Variants in ROBO2 observed in about 807,000 individuals in gnomAD.
ROBO2 encodes the protein roundabout guidance receptor 2, also known as roundabout homolog 2.
In ROBO2, 53 loss-of-function variants were observed where a neutral mutation model predicts 160.8. The observed-to-expected ratio is 0.33, with a 90% CI of 0.26 to 0.41. The LOEUF (loss-of-function observed/expected upper bound fraction) is 0.41, where lower values mean the gene tolerates loss of function less well. ROBO2 is among the 10% of genes least tolerant of loss of function. The probability of loss-of-function intolerance (pLI) is 1.00; values close to 1 mark genes in which losing one functional copy is unlikely to be tolerated. For synonymous variants in ROBO2, 664 were observed against 611.7 expected, an observed-to-expected ratio of 1.09 and a Z score of -1.26; for missense variants, 1,577 against 1,722.4, an observed-to-expected ratio of 0.92 and a Z score of 1.49.
intron 2 of ROBO2, among the ~76,000 whole-genome samples, chr3:76,011,524 C>T (rs2066193948): frequency 6.6e-6 from 1 of 152,132 alleles, no homozygotes; most frequent in Admixed American, 6.5e-5. Context: ...TTATACGAGA[C>T]CTCGCTCTTG....
At chr3:77,526,576 G>A (rs1289730964) in intron 6 of ROBO2, among the ~76,000 whole-genome samples, 2 of 151,458 alleles carry the variant, frequency 1.3e-5, no homozygotes, top group Non-Finnish European at 3.0e-5. Context: ...AATTGATAGC[G>A]TGTTATTCAT....
intron 2 of ROBO2, among the ~76,000 whole-genome samples, chr3:76,503,154 G>T (rs1225167993): frequency 6.6e-6 from 1 of 152,140 alleles, no homozygotes; most frequent in Non-Finnish European, 1.5e-5. Flanking sequence ...GAAGAACCTG[G>T]AGTTCAATAT....
At position 75,989,615 on chromosome 3, in the gene ROBO2, TTA is replaced by T. The variant is rs1385722709; in HGVS notation, c.109+52014_109+52015del. ...GAGTTGCAGGTTTTGAAAGAACATG[TTA>T]AAGATAAGTATGAAGATTACCAAAA... is the stretch of plus-strand genomic sequence containing the variant. On this transcript the variant is annotated intron_variant, in intron 2 of 26. Transcript: ENST00000487694. 4.7e-4 allele frequency among the ~76,000 whole-genome samples: 72 copies of T among 152,234 alleles called. No homozygotes were observed. In the East Asian group the frequency reaches 0.012, roughly 26 times the overall value.
At chr3:76,579,676 A>C (rs1275481257) in intron 2 of ROBO2, among the ~76,000 whole-genome samples, 3 of 152,018 alleles carry the variant, frequency 2.0e-5, no homozygotes, top group African/African-American at 7.2e-5. Context: ...TTACCTATTA[A>C]GACCAGATGG....
intron 2 of ROBO2, among the ~76,000 whole-genome samples, chr3:76,377,982 T>C (rs2076433045): frequency 6.6e-6 from 1 of 152,154 alleles, no homozygotes; most frequent in Non-Finnish European, 1.5e-5. Context: ...TAGTTGACTT[T>C]AACATCACCC....
At chr3:77,280,039 C>T (rs1476740854) in intron 2 of ROBO2, among the ~76,000 whole-genome samples, 2 of 152,018 alleles carry the variant, frequency 1.3e-5, no homozygotes, top group African/African-American at 4.8e-5. Flanking sequence ...AAAACTCTAC[C>T]AGTTCTTGAT....
At chr3:77,216,969 G>T (rs2085056752) in intron 2 of ROBO2, among the ~76,000 whole-genome samples, 1 of 152,062 alleles carries the variant, frequency 6.6e-6, no homozygotes, top group South Asian at 2.1e-4. Flanking sequence ...AAAATGTAAA[G>T]ATCCATTTCA....
At chr3:75,986,838 C>T (rs1023574813) in intron 2 of ROBO2, among the ~76,000 whole-genome samples, 2 of 151,560 alleles carry the variant, frequency 1.3e-5, no homozygotes, top group Non-Finnish European at 3.0e-5. Context: ...TTCTTTCCCA[C>T]ATTCAATGGT....
At chr3:76,396,391 C>T (rs933147401) in intron 2 of ROBO2, among the ~76,000 whole-genome samples, 1 of 152,098 alleles carries the variant, frequency 6.6e-6, no homozygotes, top group African/African-American at 2.4e-5. Context: ...AAACTGGAAG[C>T]ATTCCCTTTG....
At chr3:76,621,626 A>C (rs2109261060) in intron 2 of ROBO2, among the ~76,000 whole-genome samples, 1 of 152,340 alleles carries the variant, frequency 6.6e-6, no homozygotes, top group African/African-American at 2.4e-5. Context: ...TGAAAATAAT[A>C]ATAGCACCCA....
chr3:76,981,014 G>T (rs1010431102), intron 2 of ROBO2, among the ~76,000 whole-genome samples: 5 of 152,148 alleles, frequency 3.3e-5, no homozygotes, highest in Non-Finnish European at 5.9e-5. Flanking sequence ...GCATGTATCA[G>T]TACTTCATTC....
chr3:75,967,387 T>C (rs1366855516), intron 2 of ROBO2, among the ~76,000 whole-genome samples: 1 of 151,648 alleles, frequency 6.6e-6, no homozygotes. Flanking sequence ...ACTAAAAGTG[T>C]ATAAGTCAAC....
intron 23 of ROBO2, among the ~76,000 whole-genome samples, chr3:77,628,319 T>C (rs916883324): frequency 6.6e-6 from 1 of 152,196 alleles, no homozygotes; most frequent in Admixed American, 6.5e-5. Flanking sequence ...TTCATTTTAA[T>C]TTTCGTGTTT....
chr3:76,726,077 A>G (rs911675149), intron 2 of ROBO2, among the ~76,000 whole-genome samples: 1 of 152,190 alleles, frequency 6.6e-6, no homozygotes, highest in African/African-American at 2.4e-5. Flanking sequence ...ACGCGCATAC[A>G]TCAGTCTGTT....
intron 2 of ROBO2, among the ~76,000 whole-genome samples, chr3:76,680,169 A>C (rs543009397): frequency 6.6e-6 from 1 of 152,154 alleles, no homozygotes; most frequent in African/African-American, 2.4e-5. Context: ...TGGACTTGAA[A>C]TTTTATAGGA....
intron 2 of ROBO2, among the ~76,000 whole-genome samples, chr3:77,373,111 AATT>A (rs968467928): frequency 1.6e-4 from 23 of 147,160 alleles, no homozygotes; most frequent in Admixed American, 4.1e-4. Flanking sequence ...AATATTTTAA[AATT>A]ATTATAAAAG....
chr3:75,979,914 T>C (rs1028739724), intron 2 of ROBO2, among the ~76,000 whole-genome samples: 1 of 151,730 alleles, frequency 6.6e-6, no homozygotes, highest in South Asian at 2.1e-4. Context: ...ACACTGTTTT[T>C]TCAAGAAATT....
At chr3:76,798,205 GAGAA>G (rs1560579975) in intron 2 of ROBO2, among the ~76,000 whole-genome samples, 1 of 114,324 alleles carries the variant, frequency 8.7e-6, no homozygotes, top group African/African-American at 3.2e-5. Context: ...AAGAAAGAAA[GAGAA>G]AGAGAAAAAG....
chr3:76,944,103 T>C (rs1451942891), intron 2 of ROBO2, among the ~76,000 whole-genome samples: 6 of 152,188 alleles, frequency 3.9e-5, no homozygotes, highest in African/African-American at 1.4e-4. Flanking sequence ...AATTTAACTG[T>C]TAAAGACTTT....
Sources: allele counts gnomAD v4.1 joint callset (sites outside exome capture counted in the v4.1 genomes callset), GRCh38; gene constraint gnomAD v4.1.1; transcripts MANE v1.5; gene names NCBI Gene and HGNC (gene_info 2026-07-23, HGNC 2026-07-21).